The following GRIA4 variants were observed in gnomAD, a reference collection of about 807,000 sequenced individuals.
GRIA4 encodes glutamate ionotropic receptor AMPA type subunit 4, also known as glutamate receptor 4.
Under a neutral mutation model 104.0 loss-of-function variants are expected in GRIA4, and 34 were observed. That is an observed-to-expected ratio of 0.33 (90% confidence interval 0.25 to 0.44). The LOEUF is 0.44. Among genes scored for constraint, GRIA4 ranks in the 20% least tolerant of loss-of-function variants. The probability of loss-of-function intolerance (pLI) is 1.00; values close to 1 mark genes in which losing one functional copy is unlikely to be tolerated. For synonymous variants in GRIA4, 386 were observed against 381.9 expected (o/e 1.01, Z -0.13); for missense variants, 750 against 1,096.5 (o/e 0.68, Z 4.46).
intron 3 of GRIA4, among the ~76,000 whole-genome samples, chr11:105,677,317 T>C (rs538644387): frequency 6.6e-6 from 1 of 152,024 alleles, no homozygotes; most frequent in African/African-American, 2.4e-5. Flanking sequence ...AAATGCACTA[T>C]TGATACTTGT....
chr11:105,796,049 G>C (rs143202481), intron 4 of GRIA4, among the ~76,000 whole-genome samples: 12 of 152,212 alleles, frequency 7.9e-5, no homozygotes, highest in Middle Eastern at 3.4e-3. Context: ...CAGTTTTGAC[G>C]TAGTGACTTC....
At chr11:105,736,644 C>G (rs1457578547) in intron 3 of GRIA4, among the ~76,000 whole-genome samples, 1 of 151,804 alleles carries the variant, frequency 6.6e-6, no homozygotes, top group African/African-American at 2.4e-5. Flanking sequence ...ACTTTAGATG[C>G]AATGATTAAA....
rs143837829 is a variant in GRIA4, at chr11:105,636,485, T to A, written c.247+24051T>A. Reference sequence around the variant, plus strand: ...ACACACATACCAAATCAAAACATTGTATGTTTTTATCATTTTCTTTTCTCC... The same window carrying A: ...ACACACATACCAAATCAAAACATTGAATGTTTTTATCATTTTCTTTTCTCC... On this transcript the variant is annotated intron_variant, in intron 3 of 16. Transcript: ENST00000282499. Among the ~76,000 whole-genome samples, 323 of 152,324 alleles carry A rather than the reference T, an allele frequency of 2.1e-3. 2 individuals carry two copies. Among genetic ancestry groups the A allele is most frequent in the African/African-American group, 7.1e-3 (295 of 41,590 alleles).
rs951732767 is a variant in GRIA4 at position 105,732,909 on chromosome 11, T to C, written c.248-20072T>C. 2.0e-4 allele frequency among the ~76,000 whole-genome samples: 31 copies of C among 152,302 alleles called. 1 individual carries two copies. Among genetic ancestry groups the C allele is most frequent in the Middle Eastern group, 3.4e-3 (1 of 294 alleles). ...AGAATGACTAACATCCATTACGCTA[T>C]TATTAATCGCATAGCACTTTGCAGT... On this transcript the variant is annotated intron_variant, in intron 3 of 16. Coordinates refer to ENST00000282499, the MANE Select transcript of GRIA4 (RefSeq NM_000829.4).
chr11:105,821,740 C>T (rs1943581381), intron 4 of GRIA4, among the ~76,000 whole-genome samples: 2 of 152,132 alleles, frequency 1.3e-5, no homozygotes, highest in East Asian at 1.9e-4. Flanking sequence ...ATATCAGAGA[C>T]TCTTCATAAT....
chr11:105,652,336 A>C (rs1313192140), intron 3 of GRIA4, among the ~76,000 whole-genome samples: 1 of 152,186 alleles, frequency 6.6e-6, no homozygotes, highest in Non-Finnish European at 1.5e-5. Flanking sequence ...AAATGGAAAG[A>C]AGCCCATCAG....
At chr11:105,895,747 G>A (rs1207531575) in intron 6 of GRIA4, among the ~76,000 whole-genome samples, 1 of 152,026 alleles carries the variant, frequency 6.6e-6, no homozygotes, top group Non-Finnish European at 1.5e-5. Context: ...CGCTCCATCT[G>A]GTGGACACCA....
intron 3 of GRIA4, among the ~76,000 whole-genome samples, chr11:105,656,632 A>T (rs1951854946): frequency 6.6e-6 from 1 of 152,130 alleles, no homozygotes; most frequent in African/African-American, 2.4e-5. Context: ...TATGTGACAA[A>T]GGGAGCATTT....
chr11:105,802,593 G>A (rs1488041472), intron 4 of GRIA4, among the ~76,000 whole-genome samples: 1 of 151,804 alleles, frequency 6.6e-6, no homozygotes, highest in Non-Finnish European at 1.5e-5. Context: ...CACTTACTCA[G>A]CAATTTAGTG....
At chr11:105,867,755 G>T (rs935436062) in intron 5 of GRIA4, among the ~76,000 whole-genome samples, 70 of 152,274 alleles carry the variant, frequency 4.6e-4, no homozygotes, top group Non-Finnish European at 8.7e-4. Context: ...ATAAGAAGAG[G>T]AAAGATAGCT....
chr11:105,933,876 T>C lies in GRIA4; in HGVS notation c.2201T>C (p.Ile734Thr). The change falls in exon 14 of 17, where the codon ATT (isoleucine) becomes ACT (threonine). Residue 734 changes from isoleucine to threonine, a missense_variant. Around this residue, in one of 3 missense-constraint regions of GRIA4, gnomAD observed 272 missense variants for 524.5 expected, o/e 0.52. Transcript: ENST00000282499. ...FLLESTMNEY[I>T]EQRKPCDTMK... is the part of the protein sequence containing the mutation. ...CTGGAGTCCACTATGAATGAATACA[T>C]TGAGCAGCGAAAGCCATGTGACACG... is the stretch of plus-strand genomic sequence containing the variant. 1.9e-6 allele frequency: 3 copies of C among 1,613,414 alleles called. No individual in the cohort carries two copies. Among genetic ancestry groups the C allele is most frequent in the Non-Finnish European group, 2.5e-6 (3 of 1,179,536 alleles).
At chr11:105,687,707 G>A (rs747933334) in intron 3 of GRIA4, among the ~76,000 whole-genome samples, 61 of 152,200 alleles carry the variant, frequency 4.0e-4, no homozygotes, top group Non-Finnish European at 7.1e-4. Context: ...TATTGCAGGT[G>A]AGAGATACCA....
intron 14 of GRIA4, among the ~76,000 whole-genome samples, chr11:105,943,500 G>A (rs188785746): frequency 2.6e-4 from 39 of 152,128 alleles, no homozygotes; most frequent in Non-Finnish European, 4.4e-4. Flanking sequence ...GTAGCCTGTG[G>A]TGTTTCAATA....
At chr11:105,808,682 C>T (rs1158870506) in intron 4 of GRIA4, among the ~76,000 whole-genome samples, 2 of 152,030 alleles carry the variant, frequency 1.3e-5, no homozygotes, top group Non-Finnish European at 2.9e-5. Flanking sequence ...AGTCCATCTT[C>T]TCCCTAAATA....
chr11:105,938,396 TA>T, intron 14 of GRIA4, among the ~76,000 whole-genome samples: 1 of 152,182 alleles, frequency 6.6e-6, no homozygotes, highest in East Asian at 1.9e-4. Context: ...AAGTAGATAC[TA>T]GAAAAACGTA....
At chr11:105,816,103 C>T (rs924392240) in intron 4 of GRIA4, among the ~76,000 whole-genome samples, 1 of 152,200 alleles carries the variant, frequency 6.6e-6, no homozygotes. Context: ...ATTCCCAGAT[C>T]TCTGCCCACA....
At chr11:105,794,461 G>GTATATA (rs1565241104) in intron 4 of GRIA4, among the ~76,000 whole-genome samples, 22 of 80,158 alleles carry the variant, frequency 2.7e-4, no homozygotes, top group African/African-American at 1.2e-3. Flanking sequence ...GTCTGTGTGT[G>GTATATA]TGTATATGTA....
intron 3 of GRIA4, among the ~76,000 whole-genome samples, chr11:105,687,579 T>C (rs562209809): frequency 6.0e-4 from 92 of 152,314 alleles, no homozygotes; most frequent in South Asian, 4.6e-3. Context: ...TAAAAGATAG[T>C]TAGCAATTGA....
Position 105,979,612 on chromosome 11 carries a change from T to TATC in GRIA4, c.2583_2585dup (p.Ser862dup). On this transcript the variant is annotated inframe_insertion, in exon 17 of 17. Transcript: ENST00000282499. Reference sequence around the variant, plus strand: ...GAAGCCATAAGAAACAAAGCCAGATTATCCATCACTGGGAGTGTGGGAGAG... The same window carrying TATC: ...GAAGCCATAAGAAACAAAGCCAGATTATCATCCATCACTGGGAGTGTGGGAGAG... 6.2e-7 allele frequency: 1 copy of TATC among 1,614,128 alleles called. No individual in the cohort carries two copies. The highest frequency in any genetic ancestry group is 8.5e-7 in the Non-Finnish European group (1 of 1,179,962).
Sources: allele counts gnomAD v4.1 joint callset (sites outside exome capture counted in the v4.1 genomes callset), GRCh38; gene constraint gnomAD v4.1.1; regional missense constraint gnomAD v4.1.1; transcripts MANE v1.5; gene names NCBI Gene and HGNC (gene_info 2026-07-23, HGNC 2026-07-21).